Variants in BOD1L1 observed in about 807,000 individuals in gnomAD.
BOD1L1 encodes the protein biorientation of chromosomes in cell division protein 1-like 1.
BOD1L1 carries 86 observed loss-of-function variants against 240.7 expected under a neutral mutation model. The ratio of observed to expected loss-of-function variants is 0.36; its 90% CI spans 0.30 to 0.43. BOD1L1 has a LOEUF of 0.43. Ranked by LOEUF, BOD1L1 falls within the 20% of genes least tolerant of loss-of-function variation. The pLI is 1.00. For missense variants in BOD1L1, 3,554 were observed against 3,643.5 expected (o/e 0.98, Z 0.63); for synonymous variants, 1,268 against 1,272.3 (o/e 1.00, Z 0.07).
rs1173906189 is a variant in BOD1L1 at position 13,604,176 on chromosome 4, A to G, written c.2724T>C (p.Leu908=). ...RRTKSLLEEK[L]VLKSKSKTQG... is the part of the protein sequence containing the mutation. ...GAGTTTTTGATTTAGACTTCAACAC[A>G]AGTTTCTCTTCTAACAAGCTCTTTG... Residue 908 remains leucine (L), a synonymous_variant, in exon 10 of 26, where the codon CTT becomes CTC. Coordinates refer to ENST00000040738, the MANE Select transcript of BOD1L1 (RefSeq NM_148894.3). The G allele has an allele frequency of 6.2e-7, 1 of 1,612,914 alleles. No homozygotes were observed. Among genetic ancestry groups the G allele is most frequent in the Admixed American group, 1.7e-5 (1 of 59,798 alleles).
In BOD1L1 at chr4:13,600,538, C is replaced by A. The variant is rs1201311747; in HGVS notation, c.6362G>T (p.Ser2121Ile). 2 of 1,614,010 alleles carry A rather than the reference C, an allele frequency of 1.2e-6. No homozygotes were observed. The highest frequency in any genetic ancestry group is 1.7e-6 in the Non-Finnish European group (2 of 1,179,902). ...TTEEFEAPMP[S>I]AVSGDDSQLT... ...TTGGCTGTCATCTCCTGAGACTGCACTGGGCATGGGGGCCTCAAATTCTTC... is the reference window on the plus strand; with the variant it reads ...TTGGCTGTCATCTCCTGAGACTGCAATGGGCATGGGGGCCTCAAATTCTTC... The change falls in exon 10 of 26, where the codon AGT becomes ATT. Residue 2121 changes from serine to isoleucine, a missense_variant. Physicochemically the swap from Ser to Ile is moderately radical, Grantham distance 142 (BLOSUM62 -2). Around this residue, in one of 2 missense-constraint regions of BOD1L1, gnomAD observed 3,393 missense variants for 3,427.1 expected, o/e 0.99. Coordinates refer to ENST00000040738, the MANE Select transcript of BOD1L1 (RefSeq NM_148894.3).
At chr4:13,617,492 G>A (rs915724794) in intron 2 of BOD1L1, among the ~76,000 whole-genome samples, 9 of 152,164 alleles carry the variant, frequency 5.9e-5, no homozygotes, top group African/African-American at 1.9e-4. Flanking sequence ...ACCCAAGTGG[G>A]GAGAAGCTAC....
At chr4:13,584,441 A>AGAGTGTGTGTGT (rs1476066597) in intron 17 of BOD1L1, among the ~76,000 whole-genome samples, 2 of 134,814 alleles carry the variant, frequency 1.5e-5, no homozygotes, top group African/African-American at 2.8e-5. Flanking sequence ...AGAGAGAGAG[A>AGAGTGTGTGTGT]GTGTGTGTGT....
rs1715969638 is a variant in BOD1L1, at chr4:13,609,288, T to A, written c.1603+7A>T. The A allele has an allele frequency of 8.1e-6, 12 of 1,490,568 alleles. No individual in the cohort carries two copies. The highest frequency in any genetic ancestry group is 1.1e-5 in the Non-Finnish European group (12 of 1,119,254). 92.3% of individuals were successfully genotyped at this position (1,490,568 alleles called of 1,614,324 possible). A position where few individuals can be genotyped will look rare whatever the true frequency, so the allele number is the denominator to read the frequency against. On this transcript the variant is annotated splice_region_variant and intron_variant, in intron 7 of 25. Transcript: ENST00000040738. ...TAGTTTAAAATATTAAAAGTTGACA[T>A]CTATACCTTGACCCTTGGTTTTTGA...
At chr4:13,587,675 A>G in intron 16 of BOD1L1, 24 bp downstream of exon 16, 1 of 1,497,260 alleles carries the variant, frequency 6.7e-7, no homozygotes, top group Non-Finnish European at 9.1e-7. Flanking sequence ...AAGATGTCTA[A>G]AACAGAAACA....
rs1464925819 is a variant in BOD1L1 at position 13,613,172 on chromosome 4, C to T, written c.1324+340G>A. Among the ~76,000 whole-genome samples the T allele has an allele frequency of 6.6e-6, 1 of 152,108 alleles. No individual in the cohort carries two copies. Among genetic ancestry groups the T allele is most frequent in the East Asian group, 1.9e-4 (1 of 5,198 alleles). ...GGGAACCCGGAACTTGCAACTGGTG[C>T]CATTAATTGAGGGCAGTGTTGTGGA... On this transcript the variant is annotated intron_variant, in intron 5 of 25. Coordinates refer to ENST00000040738, the MANE Select transcript of BOD1L1 (RefSeq NM_148894.3). This position sits in a 1 kb window ranked among gnomAD's most constrained non-coding sequence, Gnocchi z 4.0.
intron 6 of BOD1L1, 118 bp downstream of exon 6, chr4:13,610,816 C>T: frequency 1.3e-6 from 1 of 796,416 alleles, no homozygotes; most frequent in Non-Finnish European, 1.9e-6. Flanking sequence ...TGACAAGTTT[C>T]CTGAAGGCAA....
chr4:13,617,049 A>G (rs958602794), intron 2 of BOD1L1, among the ~76,000 whole-genome samples: 2 of 152,120 alleles, frequency 1.3e-5, no homozygotes, highest in African/African-American at 4.8e-5. Context: ...GATCGAGACC[A>G]TCCTGGCCAA....
chr4:13,598,672 G>A (rs1231116674), intron 10 of BOD1L1, among the ~76,000 whole-genome samples: 1 of 152,124 alleles, frequency 6.6e-6, no homozygotes, highest in Non-Finnish European at 1.5e-5. Flanking sequence ...AATAACATGT[G>A]GACTTCCCAT....
At position 13,600,013 on chromosome 4, in the gene BOD1L1, C is replaced by T; in HGVS notation, c.6887G>A (p.Ser2296Asn). The T allele has an allele frequency of 1.2e-6, 2 of 1,610,198 alleles. No homozygotes were observed. The highest frequency in any genetic ancestry group is 1.7e-6 in the Non-Finnish European group (2 of 1,178,072). ...EMGDTAMIST[S>N]TSEGCEAVMI... ...GACTGCTTCACACCCTTCAGAGGTGCTTGTGGAAATCATGGCGGTGTCACC... is the reference window on the plus strand; with the variant it reads ...GACTGCTTCACACCCTTCAGAGGTGTTTGTGGAAATCATGGCGGTGTCACC... Residue 2296 changes from serine to asparagine, a missense_variant, in exon 10 of 26, where the codon AGC becomes AAC. Physicochemically the swap from Ser to Asn is conservative, Grantham distance 46. Transcript: ENST00000040738.
At chr4:13,586,174 A>G (rs1054485176) in intron 17 of BOD1L1, among the ~76,000 whole-genome samples, 10 of 152,244 alleles carry the variant, frequency 6.6e-5, no homozygotes, top group South Asian at 4.1e-4. Flanking sequence ...TCTAAATTGT[A>G]ATAATTAACA....
chr4:13,587,060 A>G (rs572566532), intron 16 of BOD1L1, among the ~76,000 whole-genome samples: 3 of 152,340 alleles, frequency 2.0e-5, no homozygotes, highest in South Asian at 4.1e-4. Context: ...TAGTCATTCA[A>G]TAAGTATTGA....
In BOD1L1 at chr4:13,610,262, A is replaced by AT. The variant is rs551502332; in HGVS notation, c.1491+671dup. Among the ~76,000 whole-genome samples, 16 of 152,326 alleles carry AT rather than the reference A, an allele frequency of 1.1e-4. No homozygotes were observed. In the East Asian group the frequency reaches 2.9e-3, roughly 28 times the overall value. ...AGTGGTACATTTTATAATTGGAAATATTTTTGAATCCAAGAAATAGGTAAA... is the reference window on the plus strand; with the variant it reads ...AGTGGTACATTTTATAATTGGAAATATTTTTTGAATCCAAGAAATAGGTAAA... On this transcript the variant is annotated intron_variant, in intron 6 of 25. Coordinates refer to ENST00000040738, the MANE Select transcript of BOD1L1 (RefSeq NM_148894.3).
chr4:13,614,122 C>T, intron 4 of BOD1L1, 74 bp downstream of exon 4: 1 of 1,288,482 alleles, frequency 7.8e-7, no homozygotes, highest in Non-Finnish European at 1.0e-6. Flanking sequence ...AATATGAAGG[C>T]AAATTTGATA....
intron 17 of BOD1L1, 119 bp downstream of exon 17, chr4:13,586,277 T>A: frequency 2.0e-6 from 1 of 491,538 alleles, no homozygotes; most frequent in South Asian, 4.6e-5. Flanking sequence ...TGATTATTAT[T>A]AGAGACATTT....
rs768708119 is a variant in BOD1L1, at chr4:13,620,075, GA to G, written c.244-9del. ...CAGATTCTGATACGCAGGCTAGAGA[GA>G]AAAAAACGAAGGTAAGTCTTCAAGG... On this transcript the variant is annotated splice_polypyrimidine_tract_variant and intron_variant, in intron 1 of 25. Transcript: ENST00000040738. The G allele has an allele frequency of 1.9e-6, 3 of 1,548,206 alleles. No individual in the cohort carries two copies. Among genetic ancestry groups the G allele is most frequent in the Admixed American group, 1.9e-5 (1 of 53,746 alleles).
At chr4:13,571,155 T>C (rs1267800331) in intron 25 of BOD1L1, among the ~76,000 whole-genome samples, 1 of 152,216 alleles carries the variant, frequency 6.6e-6, no homozygotes, top group Non-Finnish European at 1.5e-5. Context: ...TATACACATA[T>C]ATCTCCCCCA....
chr4:13,572,334 C>T (rs936836264), intron 25 of BOD1L1, among the ~76,000 whole-genome samples: 11 of 152,182 alleles, frequency 7.2e-5, no homozygotes, highest in Non-Finnish European at 1.2e-4. Flanking sequence ...TGGCAGGGGC[C>T]GTGCCTGAAA....
At position 13,604,535 on chromosome 4, in the gene BOD1L1, G is replaced by T. The variant is rs1438002311; in HGVS notation, c.2365C>A (p.Arg789=). 2 of 1,533,494 alleles carry T rather than the reference G, an allele frequency of 1.3e-6. No individual in the cohort carries two copies. Among genetic ancestry groups the T allele is most frequent in the South Asian group, 2.6e-5 (2 of 76,560 alleles). 95.0% of individuals were successfully genotyped at this position (1,533,494 alleles called of 1,614,324 possible). A position where few individuals can be genotyped will look rare whatever the true frequency, so the allele number is the denominator to read the frequency against. ...TKLSSDDKTE[R]KSKHRNERKL... is the part of the protein sequence containing the mutation. The stretch of plus-strand genomic sequence containing the variant: ...CTTTCATTCCTATGTTTACTTTTTC[G>T]TTCGGTTTTATCATCTGAAGAAAGC... Residue 789 remains arginine, a synonymous_variant, in exon 10 of 26, where the codon CGA becomes AGA. Transcript: ENST00000040738.
Sources: gnomAD v4.1 joint callset for allele counts (sites outside exome capture counted in the v4.1 genomes callset) on GRCh38, gnomAD v4.1.1 for gene constraint, gnomAD v4.1.1 regional missense constraint, Gnocchi (gnomAD v3.1) non-coding constraint, MANE v1.5 for transcripts, NCBI Gene and HGNC (gene_info 2026-07-23, HGNC 2026-07-21) for gene names.